ROBO2: variants seen among roughly 807,000 people sequenced by gnomAD.
ROBO2 encodes the protein roundabout guidance receptor 2, also known as roundabout homolog 2.
In ROBO2, 53 loss-of-function variants were observed where a neutral mutation model predicts 160.8. The ratio of observed to expected loss-of-function variants is 0.33; its 90% confidence interval spans 0.26 to 0.41. ROBO2 has a LOEUF of 0.41. Among genes scored for constraint, ROBO2 ranks in the 10% least tolerant of loss-of-function variants. ROBO2 has a pLI of 1.00. For synonymous variants in ROBO2, 664 were observed against 611.7 expected (o/e 1.09, Z -1.26); for missense variants, 1,577 against 1,722.4 (o/e 0.92, Z 1.49).
chr3:76,884,302 T>G (rs2073662345), intron 2 of ROBO2, among the ~76,000 whole-genome samples: 1 of 152,224 alleles, frequency 6.6e-6, no homozygotes, highest in African/African-American at 2.4e-5. Flanking sequence ...TGTGGAAGTA[T>G]GCATAAAAAT....
intron 2 of ROBO2, among the ~76,000 whole-genome samples, chr3:77,419,089 AT>A: frequency 6.6e-6 from 1 of 152,242 alleles, no homozygotes; most frequent in Middle Eastern, 3.4e-3. Context: ...CTCTTGAAAA[AT>A]AATAGTTTCT....
intron 2 of ROBO2, among the ~76,000 whole-genome samples, chr3:77,026,599 A>G (rs2062980662): frequency 6.6e-6 from 1 of 152,232 alleles, no homozygotes; most frequent in Non-Finnish European, 1.5e-5. Context: ...TATTGATACG[A>G]GAGGTGAAAT....
chr3:77,628,066 A>C (rs1172447306), intron 23 of ROBO2, among the ~76,000 whole-genome samples: 8 of 152,240 alleles, frequency 5.3e-5, no homozygotes, highest in Admixed American at 4.6e-4. Context: ...TCCTATGTGC[A>C]GTACTACTTT....
At chr3:76,520,948 CTCT>C (rs1230406595) in intron 2 of ROBO2, among the ~76,000 whole-genome samples, 2 of 151,432 alleles carry the variant, frequency 1.3e-5, no homozygotes, top group African/African-American at 4.9e-5. Flanking sequence ...ACATTGAATT[CTCT>C]TCTTCATTTA....
chr3:76,558,869 T>A (rs2083980928), intron 2 of ROBO2, among the ~76,000 whole-genome samples: 1 of 152,208 alleles, frequency 6.6e-6, no homozygotes, highest in Non-Finnish European at 1.5e-5. Context: ...GTGAAGAGTC[T>A]GCTTAAACAT....
At chr3:76,883,130 A>G (rs2073526765) in intron 2 of ROBO2, among the ~76,000 whole-genome samples, 2 of 152,148 alleles carry the variant, frequency 1.3e-5, no homozygotes, top group African/African-American at 2.4e-5. Flanking sequence ...CTGACATATT[A>G]TAACTATTTT....
At chr3:76,598,503 A>G (rs1026917331) in intron 2 of ROBO2, among the ~76,000 whole-genome samples, 2 of 152,102 alleles carry the variant, frequency 1.3e-5, no homozygotes, top group Non-Finnish European at 2.9e-5. Context: ...ATTAATGTCA[A>G]TATTCTGGTT....
chr3:77,102,876 C>G (rs1157178951), intron 2 of ROBO2, among the ~76,000 whole-genome samples: 3 of 149,202 alleles, frequency 2.0e-5, no homozygotes, highest in African/African-American at 7.4e-5. Context: ...AATAGCTATC[C>G]AGAAAGTGTT....
At chr3:76,260,236 A>G (rs562122505) in intron 2 of ROBO2, among the ~76,000 whole-genome samples, 57 of 152,262 alleles carry the variant, frequency 3.7e-4, no homozygotes, top group African/African-American at 1.3e-3. Flanking sequence ...AGAGAGATGC[A>G]GTCACTTTAG....
intron 2 of ROBO2, among the ~76,000 whole-genome samples, chr3:76,045,280 A>G (rs2067412218): frequency 6.6e-6 from 1 of 152,016 alleles, no homozygotes; most frequent in East Asian, 1.9e-4. Context: ...AGTCACCTCT[A>G]GCTGCTCTCA....
At chr3:77,205,785 T>G (rs1047170040) in intron 2 of ROBO2, among the ~76,000 whole-genome samples, 1 of 152,288 alleles carries the variant, frequency 6.6e-6, no homozygotes, top group South Asian at 2.1e-4. Flanking sequence ...AGGAACTCAC[T>G]TTGAGTGAAG....
intron 2 of ROBO2, among the ~76,000 whole-genome samples, chr3:76,344,580 C>T (rs2074413443): frequency 6.6e-6 from 1 of 152,074 alleles, no homozygotes; most frequent in Non-Finnish European, 1.5e-5. Context: ...GGACCTATTT[C>T]AGAAAAGGCT....
chr3:76,269,697 A>G (rs1310465430), intron 2 of ROBO2, among the ~76,000 whole-genome samples: 1 of 151,926 alleles, frequency 6.6e-6, no homozygotes, highest in East Asian at 1.9e-4. Flanking sequence ...CCTCCCTTAC[A>G]TTTTTGTAAA....
chr3:76,535,574 A>G (rs1397992577), intron 2 of ROBO2, among the ~76,000 whole-genome samples: 1 of 152,122 alleles, frequency 6.6e-6, no homozygotes, highest in African/African-American at 2.4e-5. Context: ...GTGTGGCTGT[A>G]GCCCAGGAAT....
At chr3:77,576,559 A>G (rs1365334001) in intron 14 of ROBO2, among the ~76,000 whole-genome samples, 22 of 152,144 alleles carry the variant, frequency 1.4e-4, no homozygotes, top group Admixed American at 1.4e-3. Context: ...ATTTTTCCAC[A>G]AAGTTATTAT....
At chr3:77,548,035 C>T (rs1394047529) in intron 7 of ROBO2, among the ~76,000 whole-genome samples, 6 of 150,584 alleles carry the variant, frequency 4.0e-5, no homozygotes, top group Non-Finnish European at 5.9e-5. Flanking sequence ...CATACACATA[C>T]GCCACACACA....
chr3:77,470,312 G>GA (rs1304015651), intron 2 of ROBO2, among the ~76,000 whole-genome samples: 2 of 152,128 alleles, frequency 1.3e-5, no homozygotes, highest in Non-Finnish European at 2.9e-5. Context: ...GTTTAAAGGA[G>GA]AAATTAGAGA....
At chr3:76,752,493 T>C (rs1424110567) in intron 2 of ROBO2, among the ~76,000 whole-genome samples, 1 of 151,100 alleles carries the variant, frequency 6.6e-6, no homozygotes, top group Non-Finnish European at 1.5e-5. Context: ...GCCAAGACAG[T>C]CCTTTGTGAT....
chr3:77,581,587 T>C (rs1445068682), intron 16 of ROBO2, among the ~76,000 whole-genome samples: 1 of 152,126 alleles, frequency 6.6e-6, no homozygotes, highest in African/African-American at 2.4e-5. Context: ...TATCTTTTTG[T>C]TTCTGATTTC....
Sources: gnomAD v4.1 joint callset for allele counts (sites outside exome capture counted in the v4.1 genomes callset) on GRCh38, gnomAD v4.1.1 for gene constraint, MANE v1.5 for transcripts, NCBI Gene and HGNC (gene_info 2026-07-23, HGNC 2026-07-21) for gene names.